Variants in KHDC1 observed in about 807,000 individuals in gnomAD.
KHDC1 encodes the protein KH homology domain-containing protein 1.
Under a neutral mutation model 24.7 loss-of-function variants are expected in KHDC1, and 21 were observed. That is an observed-to-expected ratio of 0.85 (90% CI 0.60 to 1.23). The LOEUF is 1.23. Among genes scored for constraint, KHDC1 ranks in the 50% most tolerant of loss-of-function variants. The probability of loss-of-function intolerance (pLI) is 0.00; values close to 1 mark genes in which losing one functional copy is unlikely to be tolerated. For missense variants in KHDC1, 274 were observed against 298.5 expected, an observed-to-expected ratio of 0.92 and a Z score of 0.61; for synonymous variants, 98 against 111.7, an observed-to-expected ratio of 0.88 and a Z score of 0.77.
chr6:73,305,312 G>A (rs961320471), intron 1 of KHDC1, among the ~76,000 whole-genome samples: 5 of 143,650 alleles, frequency 3.5e-5, no homozygotes, highest in Admixed American at 7.6e-5. Context: ...CATGGAATTC[G>A]CCTTTCTTAA....
Position 73,263,204 on chromosome 6 carries a change from A to AC in KHDC1, c.207-20675dup, listed in dbSNP as rs1162602996. On this transcript the variant is annotated intron_variant, in intron 2 of 4. Transcript: ENST00000370384. ...GCGCGCTCGAGCGGAAGTGGCGGCG[A>AC]CCCCGCCGGAAGCGCGCGGCTGCGG... is the stretch of plus-strand genomic sequence containing the variant. The AC allele has an allele frequency of 5.1e-6, 5 of 985,422 alleles. No homozygotes were observed. Among genetic ancestry groups the AC allele is most frequent in the Non-Finnish European group, 6.0e-6 (5 of 830,386 alleles). The allele number at this position is 985,422 out of a possible 1,614,324, so 61.0% of individuals were successfully genotyped here.
chr6:73,262,852 T>A (rs1726469187), intron 2 of KHDC1: 1 of 985,696 alleles, frequency 1.0e-6, no homozygotes, highest in Admixed American at 6.1e-5. Context: ...CAGATAATCC[T>A]AATGGAGGGC....
At chr6:73,249,687 C>T (rs1766743971) in intron 2 of KHDC1, among the ~76,000 whole-genome samples, 1 of 152,194 alleles carries the variant, frequency 6.6e-6, no homozygotes, top group African/African-American at 2.4e-5. Flanking sequence ...AAGACGGACA[C>T]ATCTGAAACC....
At chr6:73,272,823 T>G (rs1178088423) in intron 2 of KHDC1, among the ~76,000 whole-genome samples, 2 of 149,894 alleles carry the variant, frequency 1.3e-5, no homozygotes, top group African/African-American at 4.9e-5. Context: ...TTTTAGGGCC[T>G]GGGCTGGATA....
intron 2 of KHDC1, among the ~76,000 whole-genome samples, chr6:73,245,087 G>C (rs1316358391): frequency 1.3e-5 from 2 of 152,038 alleles, no homozygotes; most frequent in Non-Finnish European, 2.9e-5. Context: ...TGGCCTCTAG[G>C]GGACAATGAG....
At chr6:73,250,385 AAG>A (rs1766757581) in intron 2 of KHDC1, among the ~76,000 whole-genome samples, 1 of 152,236 alleles carries the variant, frequency 6.6e-6, no homozygotes, top group South Asian at 2.1e-4. Flanking sequence ...CTCATTTCTG[AAG>A]AGAGACACAA....
intron 1 of KHDC1, among the ~76,000 whole-genome samples, chr6:73,304,235 A>T (rs370136795): frequency 2.6e-5 from 4 of 152,216 alleles, no homozygotes; most frequent in Admixed American, 1.3e-4. Flanking sequence ...CATAAGTAGA[A>T]GCTGTGTAGT....
intron 2 of KHDC1, 37 bp from the exon 1 acceptor site, chr6:73,263,233 G>A (rs1262922766): frequency 1.0e-6 from 1 of 986,724 alleles, no homozygotes; most frequent in Non-Finnish European, 1.2e-6. Context: ...GCTGCGGCGC[G>A]GGAAGCAACC....
At chr6:73,262,144 G>A (rs534718612) in intron 2 of KHDC1, among the ~76,000 whole-genome samples, 21 of 151,502 alleles carry the variant, frequency 1.4e-4, no homozygotes, top group African/African-American at 4.9e-4. Context: ...TGCCACTTAC[G>A]GTGTAACCTT....
intron 1 of KHDC1, chr6:73,293,298 T>C: frequency 1.8e-6 from 1 of 567,616 alleles, no homozygotes; most frequent in Non-Finnish European, 3.3e-6. Context: ...GGAAAAGATT[T>C]TAAAAAAACT....
At chr6:73,242,553 C>T (rs1334663529) in intron 2 of KHDC1, 23 bp from the exon 2 acceptor site, 26 of 1,613,688 alleles carry the variant, frequency 1.6e-5, no homozygotes, top group Non-Finnish European at 2.1e-5. Context: ...AGGGCCAAGT[C>T]CAAGCAACTG....
chr6:73,248,399 C>CT (rs1218797443), intron 2 of KHDC1, among the ~76,000 whole-genome samples: 1 of 152,010 alleles, frequency 6.6e-6, no homozygotes, highest in Non-Finnish European at 1.5e-5. Flanking sequence ...ATCTGTCTCT[C>CT]TCTCCTCTCT....
chr6:73,276,733 T>C (rs1767306544), intron 2 of KHDC1, among the ~76,000 whole-genome samples: 5 of 152,222 alleles, frequency 3.3e-5, no homozygotes, highest in Admixed American at 3.3e-4. Flanking sequence ...CCAGTAGCCT[T>C]GGCCTCCGAG....
chr6:73,297,483 C>T (rs1343053556), intron 1 of KHDC1, among the ~76,000 whole-genome samples: 3 of 152,098 alleles, frequency 2.0e-5, no homozygotes, highest in South Asian at 2.1e-4. Context: ...TTGTACACGT[C>T]AATTCTTACA....
rs35521120 is a variant in KHDC1 at position 73,308,070 on chromosome 6, A to ATT, written c.163+1480_163+1481dup. 2.2e-3 allele frequency among the ~76,000 whole-genome samples: 249 copies of ATT among 111,954 alleles called. 4 individuals carry two copies. The highest frequency in any genetic ancestry group is 5.3e-3 in the Middle Eastern group (1 of 190). The allele number at this position is 111,954 out of a possible 152,430, so 73.4% of individuals were successfully genotyped here. A position where few individuals can be genotyped will look rare whatever the true frequency, so the allele number is the denominator to read the frequency against. ...GGCACCGCACCACCAGGCCCAGCTA[A>ATT]TTTTTTTTTTTTTTTTTTTTTTGAG... On this transcript the variant is annotated intron_variant, in intron 1 of 4. Coordinates refer to ENST00000370384, the Ensembl canonical transcript of KHDC1.
chr6:73,273,982 T>C (rs1767232760), intron 2 of KHDC1, among the ~76,000 whole-genome samples: 1 of 152,128 alleles, frequency 6.6e-6, no homozygotes, highest in South Asian at 2.1e-4. Flanking sequence ...CCAGGTGTGG[T>C]GGCACATACC....
intron 2 of KHDC1, among the ~76,000 whole-genome samples, chr6:73,247,225 C>T (rs927380820): frequency 1.6e-4 from 25 of 151,984 alleles, no homozygotes; most frequent in Admixed American, 1.3e-3. Context: ...TGATCACCCA[C>T]CTCAGCCTCC....
chr6:73,278,002 C>G (rs1487262193), intron 2 of KHDC1, among the ~76,000 whole-genome samples: 2 of 96,472 alleles, frequency 2.1e-5, no homozygotes, highest in African/African-American at 9.4e-5. Flanking sequence ...CTCTCTCTCT[C>G]TCGGGTGTTT....
At chr6:73,275,997 C>T (rs1037055375) in intron 2 of KHDC1, 2 of 152,332 alleles carry the variant, frequency 1.3e-5, no homozygotes, top group African/African-American at 4.8e-5. Context: ...TCGAGACCAT[C>T]CTGGCCAATA....
Sources: gnomAD v4.1 joint callset for allele counts (sites outside exome capture counted in the v4.1 genomes callset) on GRCh38, gnomAD v4.1.1 for gene constraint, MANE v1.5 for transcripts, NCBI Gene and HGNC (gene_info 2026-07-23, HGNC 2026-07-21) for gene names.